Variants in EXT1 observed in about 807,000 individuals in gnomAD.
EXT1 encodes the protein exostosin glycosyltransferase 1, also known as exostosin-1.
Under a neutral mutation model 82.5 loss-of-function variants are expected in EXT1, and 20 were observed. The observed-to-expected ratio is 0.24, with a 90% CI of 0.17 to 0.35. The LOEUF (loss-of-function observed/expected upper bound fraction) is 0.35, where lower values mean the gene tolerates loss of function less well. EXT1 is among the 10% of genes least tolerant of loss of function. The probability of loss-of-function intolerance (pLI) is 1.00; values close to 1 mark genes in which losing one functional copy is unlikely to be tolerated. For missense variants in EXT1, 757 were observed against 936.5 expected (o/e 0.81, Z 2.50); for synonymous variants, 348 against 350.8 (o/e 0.99, Z 0.09).
chr8:117,945,284 C>T (rs1208508304), intron 1 of EXT1, among the ~76,000 whole-genome samples: 6 of 152,122 alleles, frequency 3.9e-5, no homozygotes, highest in Non-Finnish European at 7.4e-5. Flanking sequence ...GTGTTGATGC[C>T]CATGCTTGTA....
chr8:117,804,091 G>A (rs542775640), intron 10 of EXT1, among the ~76,000 whole-genome samples: 1 of 152,246 alleles, frequency 6.6e-6, no homozygotes, highest in South Asian at 2.1e-4. Flanking sequence ...CTTTAATTCT[G>A]CTGAGGGCTG....
chr8:118,008,634 C>A (rs1815830963), intron 1 of EXT1, among the ~76,000 whole-genome samples: 1 of 152,112 alleles, frequency 6.6e-6, no homozygotes, highest in Admixed American at 6.6e-5. Context: ...ATATTCAATA[C>A]CATTTTTCTG....
At chr8:117,875,261 A>G (rs1204776265) in intron 1 of EXT1, among the ~76,000 whole-genome samples, 2 of 152,048 alleles carry the variant, frequency 1.3e-5, no homozygotes, top group East Asian at 1.9e-4. Context: ...TGCTAAAAAT[A>G]TAAAAAAAAA....
intron 1 of EXT1, among the ~76,000 whole-genome samples, chr8:117,934,761 C>A (rs931974007): frequency 1.3e-5 from 2 of 152,164 alleles, no homozygotes; most frequent in Non-Finnish European, 2.9e-5. Context: ...TCAGGCACTG[C>A]GGTACAGGAC....
At chr8:118,043,143 C>A (rs1198626503) in intron 1 of EXT1, among the ~76,000 whole-genome samples, 1 of 152,182 alleles carries the variant, frequency 6.6e-6, no homozygotes, top group Non-Finnish European at 1.5e-5. Flanking sequence ...GCACACAGAG[C>A]AGTTGTGTGG....
chr8:117,932,878 G>T (rs1814087086), intron 1 of EXT1, among the ~76,000 whole-genome samples: 1 of 139,656 alleles, frequency 7.2e-6, no homozygotes, highest in Non-Finnish European at 1.5e-5. Context: ...AGAGCTGGCT[G>T]CCAGGGCAGC....
intron 1 of EXT1, among the ~76,000 whole-genome samples, chr8:118,050,900 G>C (rs1449618012): frequency 6.6e-6 from 1 of 152,118 alleles, no homozygotes; most frequent in Non-Finnish European, 1.5e-5. Context: ...GGTGTTCTGT[G>C]CTATTTAATG....
intron 1 of EXT1, among the ~76,000 whole-genome samples, chr8:117,945,425 C>T (rs908805199): frequency 6.6e-6 from 1 of 152,144 alleles, no homozygotes; most frequent in Admixed American, 6.5e-5. Flanking sequence ...GCTCTTGATG[C>T]CATTTGGGCA....
At chr8:117,804,652 G>A (rs536707685) in intron 10 of EXT1, 70 bp downstream of exon 10, 25 of 1,550,896 alleles carry the variant, frequency 1.6e-5, no homozygotes, top group Middle Eastern at 3.5e-4. Context: ...CTAGAGGAAC[G>A]TGAGTCCTCA....
intron 1 of EXT1, among the ~76,000 whole-genome samples, chr8:117,939,585 A>AG (rs1814235117): frequency 1.3e-5 from 2 of 149,814 alleles, no homozygotes; most frequent in Non-Finnish European, 2.9e-5. Context: ...AAAAAAAAAA[A>AG]AGAAAAAGAA....
intron 1 of EXT1, among the ~76,000 whole-genome samples, chr8:118,077,873 T>C (rs1817239597): frequency 6.6e-6 from 1 of 152,178 alleles, no homozygotes; most frequent in Non-Finnish European, 1.5e-5. Context: ...ATATTATAAT[T>C]TCGATTGTGT....
chr8:118,063,961 G>C (rs1418314401), intron 1 of EXT1, among the ~76,000 whole-genome samples: 1 of 152,216 alleles, frequency 6.6e-6, no homozygotes, highest in East Asian at 1.9e-4. Context: ...CAACTTCCCT[G>C]GTTCAAGCGA....
intron 1 of EXT1, among the ~76,000 whole-genome samples, chr8:118,004,251 T>G (rs1398366550): frequency 6.6e-6 from 1 of 152,264 alleles, no homozygotes; most frequent in Non-Finnish European, 1.5e-5. Flanking sequence ...TGGCCATGTG[T>G]GCATCCATGT....
intron 1 of EXT1, among the ~76,000 whole-genome samples, chr8:117,955,756 C>T (rs1434720451): frequency 6.6e-6 from 1 of 152,176 alleles, no homozygotes; most frequent in Non-Finnish European, 1.5e-5. Context: ...AGGTTTTCAC[C>T]ATGTTGGCCA....
rs1171915964 is a variant in EXT1, at chr8:117,945,119, G to A, written c.963-107918C>T. 2.0e-5 allele frequency among the ~76,000 whole-genome samples: 3 copies of A among 152,298 alleles called. No individual in the cohort carries two copies. The East Asian group carries it at 5.8e-4, about 29-fold the overall frequency. On this transcript the variant is annotated intron_variant, in intron 1 of 10. Coordinates refer to ENST00000378204, the MANE Select transcript of EXT1 (RefSeq NM_000127.3). ...GGAGTTTGCAGTGAGCCAAGATCGC[G>A]CCACTGCACTCCAGCCTGGGCAATA...
At chr8:117,999,244 C>A (rs527274435) in intron 1 of EXT1, among the ~76,000 whole-genome samples, 10 of 152,234 alleles carry the variant, frequency 6.6e-5, no homozygotes, top group African/African-American at 2.2e-4. Flanking sequence ...TAATGGCCGA[C>A]TAATATGTCA....
At chr8:118,096,398 G>A (rs376722265) in intron 1 of EXT1, among the ~76,000 whole-genome samples, 9 of 151,908 alleles carry the variant, frequency 5.9e-5, no homozygotes, top group South Asian at 2.1e-4. Context: ...TGAGGCAGGC[G>A]GATCACGAGG....
chr8:117,866,095 C>T lies in EXT1; in HGVS notation c.963-28894G>A, dbSNP rs17475035. ...CAAAAATTAGCTGGGCATGGTGGCACGTGCCTGTAATCCCAGCTACTCAGG... is the reference window on the plus strand; with the variant it reads ...CAAAAATTAGCTGGGCATGGTGGCATGTGCCTGTAATCCCAGCTACTCAGG... On this transcript the variant is annotated intron_variant, in intron 1 of 10. Coordinates refer to ENST00000378204, the MANE Select transcript of EXT1 (RefSeq NM_000127.3). Among the ~76,000 whole-genome samples the T allele has an allele frequency of 9.6e-3, 1,454 of 151,990 alleles. 27 individuals are homozygous for T. The highest frequency in any genetic ancestry group is 0.033 in the African/African-American group (1,351 of 41,474).
At chr8:117,936,084 C>G (rs543774933) in intron 1 of EXT1, among the ~76,000 whole-genome samples, 1 of 152,312 alleles carries the variant, frequency 6.6e-6, no homozygotes, top group South Asian at 2.1e-4. Context: ...TCCATATTCA[C>G]TCAAGTAGAA....
Sources: gnomAD v4.1 joint callset for allele counts (sites outside exome capture counted in the v4.1 genomes callset) on GRCh38, gnomAD v4.1.1 for gene constraint, MANE v1.5 for transcripts, NCBI Gene and HGNC (gene_info 2026-07-23, HGNC 2026-07-21) for gene names.